The following DIAPH3 variants were observed in gnomAD, a reference collection of about 807,000 sequenced individuals.
DIAPH3 encodes the protein protein diaphanous homolog 3.
A neutral mutation model predicts 144.3 loss-of-function variants in DIAPH3; 117 were observed. The observed-to-expected ratio is 0.81, with a 90% confidence interval of 0.70 to 0.95. The LOEUF is 0.95. DIAPH3 is among the 40% of genes least tolerant of loss of function. DIAPH3 has a pLI of 0.00. For missense variants in DIAPH3, 1,421 were observed against 1,412.7 expected, an observed-to-expected ratio of 1.01 and a Z score of -0.09; for synonymous variants, 519 against 488.9, an observed-to-expected ratio of 1.06 and a Z score of -0.81.
intron 9 of DIAPH3, among the ~76,000 whole-genome samples, chr13:60,002,771 C>A (rs2052599677): frequency 6.6e-6 from 1 of 152,156 alleles, no homozygotes; most frequent in African/African-American, 2.4e-5. Context: ...CTCTAGGATT[C>A]CCATGTTTTG....
intron 25 of DIAPH3, among the ~76,000 whole-genome samples, chr13:59,779,137 G>A (rs2038590600): frequency 6.6e-6 from 1 of 152,084 alleles, no homozygotes; most frequent in South Asian, 2.1e-4. Context: ...CTCTACCCCT[G>A]CTCTCATCCT....
chr13:59,875,143 G>A (rs915716558), intron 21 of DIAPH3, among the ~76,000 whole-genome samples: 5 of 151,972 alleles, frequency 3.3e-5, no homozygotes, highest in African/African-American at 1.2e-4. Context: ...CAGCATTTTG[G>A]TCAGATAAGC....
At chr13:60,009,572 C>G (rs1445762948) in intron 8 of DIAPH3, among the ~76,000 whole-genome samples, 1 of 152,178 alleles carries the variant, frequency 6.6e-6, no homozygotes, top group Admixed American at 6.5e-5. Context: ...ATTTATATGG[C>G]CTTAAATACT....
chr13:59,996,418 CT>C lies in DIAPH3; in HGVS notation c.1015-3836del, dbSNP rs575256332. 1.4e-4 allele frequency among the ~76,000 whole-genome samples: 21 copies of C among 152,134 alleles called. No individual in the cohort carries two copies. The South Asian group carries it at 4.3e-3, about 31-fold the overall frequency. Reference sequence around the variant, plus strand: ...AATACTGTAAGCTCACTTTATTACTCTTGTGTCAATTATCAAAAAGGGTCTT... The same window carrying C: ...AATACTGTAAGCTCACTTTATTACTCTGTGTCAATTATCAAAAAGGGTCTT... On this transcript the variant is annotated intron_variant, in intron 9 of 27. Coordinates refer to ENST00000400324, the MANE Select transcript of DIAPH3 (RefSeq NM_001042517.2).
At chr13:60,018,163 A>G (rs1345294381) in intron 5 of DIAPH3, among the ~76,000 whole-genome samples, 1 of 152,198 alleles carries the variant, frequency 6.6e-6, no homozygotes, top group African/African-American at 2.4e-5. Flanking sequence ...TAAGTTTTCA[A>G]CAATATCCAT....
chr13:59,924,645 C>A, intron 18 of DIAPH3, 130 bp downstream of exon 18: 1 of 1,383,940 alleles, frequency 7.2e-7, no homozygotes, highest in Non-Finnish European at 9.5e-7. Flanking sequence ...GGAGAGTTAT[C>A]TGTGAATTTA....
chr13:59,993,008 G>A (rs79815811), intron 9 of DIAPH3, among the ~76,000 whole-genome samples: 10 of 151,868 alleles, frequency 6.6e-5, no homozygotes, highest in African/African-American at 1.9e-4. Context: ...CATCAAGAGA[G>A]ACTCAAAGTC....
chr13:59,793,244 C>G (rs926972686), intron 25 of DIAPH3, among the ~76,000 whole-genome samples: 1 of 152,126 alleles, frequency 6.6e-6, no homozygotes, highest in African/African-American at 2.4e-5. Flanking sequence ...TTGTTGTTCT[C>G]CACCCCTCCT....
intron 22 of DIAPH3, among the ~76,000 whole-genome samples, chr13:59,850,099 T>G (rs961276254): frequency 3.3e-5 from 5 of 151,072 alleles, no homozygotes; most frequent in African/African-American, 1.2e-4. Context: ...GGGAGTTCAC[T>G]CATGATTTGG....
chr13:60,138,513 CT>C (rs2059347184), intron 1 of DIAPH3, among the ~76,000 whole-genome samples: 1 of 152,170 alleles, frequency 6.6e-6, no homozygotes, highest in African/African-American at 2.4e-5. Context: ...TGGGACAGGC[CT>C]TACTGCCATG....
rs184855341 is a variant in DIAPH3, at chr13:59,852,307, T to C, written c.2737+9100A>G. 2.0e-4 allele frequency among the ~76,000 whole-genome samples: 31 copies of C among 152,350 alleles called. No individual in the cohort carries two copies. In the East Asian group the frequency reaches 4.6e-3, roughly 23 times the overall value. On this transcript the variant is annotated intron_variant, in intron 22 of 27. Transcript: ENST00000400324. ...GAGCGTGAATAAATATTATTTTAGA[T>C]TTTCCTAGCACTTATATCATTTCTC... is the stretch of plus-strand genomic sequence containing the variant.
intron 1 of DIAPH3, among the ~76,000 whole-genome samples, chr13:60,136,589 G>T (rs1398702333): frequency 6.6e-6 from 1 of 151,982 alleles, no homozygotes; most frequent in African/African-American, 2.4e-5. Flanking sequence ...GATTCTAGAG[G>T]TGTTATTAAT....
At chr13:59,895,440 A>AG (rs1450687709) in intron 20 of DIAPH3, among the ~76,000 whole-genome samples, 17 of 146,276 alleles carry the variant, frequency 1.2e-4, no homozygotes, top group African/African-American at 4.6e-4. Flanking sequence ...GAAAAAAAAA[A>AG]AAACAAAAAA....
intron 27 of DIAPH3, among the ~76,000 whole-genome samples, chr13:59,668,506 G>A (rs2032156936): frequency 6.6e-6 from 1 of 152,160 alleles, no homozygotes; most frequent in Non-Finnish European, 1.5e-5. Context: ...TATAGAATAT[G>A]AAATGTGTGT....
intron 24 of DIAPH3, among the ~76,000 whole-genome samples, chr13:59,821,561 T>A (rs77867634): frequency 0.043 from 6,619 of 152,258 alleles, 242 homozygotes; most frequent in South Asian, 0.11. Flanking sequence ...CTTTTCAGTT[T>A]TCCATTAAAA....
chr13:60,045,960 A>G (rs1371869456), intron 4 of DIAPH3, among the ~76,000 whole-genome samples: 1 of 152,220 alleles, frequency 6.6e-6, no homozygotes, highest in Non-Finnish European at 1.5e-5. Flanking sequence ...TAATTCCTTT[A>G]ACAGTTTCTT....
chr13:59,956,432 C>T (rs2049406344), intron 17 of DIAPH3, among the ~76,000 whole-genome samples: 2 of 152,216 alleles, frequency 1.3e-5, no homozygotes, highest in African/African-American at 4.8e-5. Flanking sequence ...AGCCCCAAGC[C>T]TTGGCGGCTT....
chr13:59,980,751 G>A, intron 14 of DIAPH3, 44 bp downstream of exon 14: 1 of 1,532,518 alleles, frequency 6.5e-7, no homozygotes, highest in Non-Finnish European at 9.0e-7. Flanking sequence ...CATGCCTGCA[G>A]TGGTTCCCCA....
At chr13:59,827,598 A>T (rs1335181274) in intron 24 of DIAPH3, among the ~76,000 whole-genome samples, 1 of 152,032 alleles carries the variant, frequency 6.6e-6, no homozygotes. Context: ...AGGAAAGAGA[A>T]TAGTAAAAGA....
Sources: allele counts gnomAD v4.1 joint callset (sites outside exome capture counted in the v4.1 genomes callset), GRCh38; gene constraint gnomAD v4.1.1; transcripts MANE v1.5; gene names NCBI Gene and HGNC (gene_info 2026-07-23, HGNC 2026-07-21).